Variants in AFF3 observed in about 807,000 individuals in gnomAD.
AFF3 encodes ALF transcription elongation factor 3, also known as AF4/FMR2 family member 3.
Under a neutral mutation model 129.7 loss-of-function variants are expected in AFF3, and 32 were observed. That is an observed-to-expected ratio of 0.25 (90% confidence interval 0.19 to 0.33). The LOEUF (loss-of-function observed/expected upper bound fraction) is 0.33. Among genes scored for constraint, AFF3 ranks in the 10% least tolerant of loss-of-function variants. The pLI is 1.00. For missense variants in AFF3, 1,373 were observed against 1,592.0 expected, an observed-to-expected ratio of 0.86 and a Z score of 2.34; for synonymous variants, 644 against 635.4, an observed-to-expected ratio of 1.01 and a Z score of -0.20.
At chr2:100,047,935 A>T (rs952203300) in intron 4 of AFF3, among the ~76,000 whole-genome samples, 1 of 152,226 alleles carries the variant, frequency 6.6e-6, no homozygotes, top group Admixed American at 6.5e-5. Context: ...CTAATATTTT[A>T]TCATGTCCTG....
intron 11 of AFF3, among the ~76,000 whole-genome samples, chr2:99,721,049 T>C (rs1214393219): frequency 2.0e-5 from 3 of 152,322 alleles, no homozygotes; most frequent in African/African-American, 7.2e-5. Flanking sequence ...CCCACATATT[T>C]ATTATTTCCT....
chr2:99,948,614 GCTATCCCCAAATC>G (rs1395410214), intron 7 of AFF3, among the ~76,000 whole-genome samples: 1 of 152,150 alleles, frequency 6.6e-6, no homozygotes, highest in Non-Finnish European at 1.5e-5. Flanking sequence ...CAGATTCTCT[GCTATCCCCAAATC>G]ATCCTCCTTG....
chr2:99,911,812 T>C (rs1377954091), intron 7 of AFF3, among the ~76,000 whole-genome samples: 4 of 152,080 alleles, frequency 2.6e-5, no homozygotes, highest in Non-Finnish European at 5.9e-5. Context: ...AACTCTGTGT[T>C]GTTATGCCAT....
At chr2:100,065,554 T>C (rs1262824319) in intron 4 of AFF3, among the ~76,000 whole-genome samples, 1 of 152,330 alleles carries the variant, frequency 6.6e-6, no homozygotes, top group East Asian at 1.9e-4. Flanking sequence ...AACACAAACA[T>C]TTATTTTAAG....
chr2:99,555,746 G>C (rs1486010488), intron 22 of AFF3, among the ~76,000 whole-genome samples: 1 of 152,140 alleles, frequency 6.6e-6, no homozygotes. Context: ...GTTTCTTTTG[G>C]TTAGAAAGAA....
chr2:99,925,897 G>T (rs1696205717), intron 7 of AFF3, among the ~76,000 whole-genome samples: 2 of 152,194 alleles, frequency 1.3e-5, no homozygotes, highest in South Asian at 4.1e-4. Flanking sequence ...TGTACTATCA[G>T]GGAATCAACC....
At chr2:99,851,096 T>A (rs186317441) in intron 7 of AFF3, among the ~76,000 whole-genome samples, 1 of 152,340 alleles carries the variant, frequency 6.6e-6, no homozygotes, top group Admixed American at 6.5e-5. Flanking sequence ...TTCACACGGC[T>A]ACAGGTTGCA....
intron 7 of AFF3, among the ~76,000 whole-genome samples, chr2:99,953,356 T>C (rs1450310228): frequency 1.3e-5 from 2 of 152,198 alleles, no homozygotes; most frequent in Non-Finnish European, 2.9e-5. Context: ...GGAATGAGTA[T>C]GGCATACAAG....
intron 7 of AFF3, among the ~76,000 whole-genome samples, chr2:99,911,742 T>G (rs1013080131): frequency 1.3e-5 from 2 of 152,144 alleles, no homozygotes; most frequent in African/African-American, 4.8e-5. Flanking sequence ...AAGGAAAGAC[T>G]TGTATCAAAA....
chr2:99,925,317 T>C (rs1250235039), intron 7 of AFF3, among the ~76,000 whole-genome samples: 1 of 152,180 alleles, frequency 6.6e-6, no homozygotes, highest in Middle Eastern at 3.2e-3. Context: ...GGATGATCAA[T>C]CCTTATTTTT....
At chr2:99,671,609 T>C (rs920056775) in intron 12 of AFF3, among the ~76,000 whole-genome samples, 18 of 152,202 alleles carry the variant, frequency 1.2e-4, no homozygotes, top group Admixed American at 4.6e-4. Context: ...CTGCATAGCA[T>C]TTCATGATAC....
chr2:99,554,039 G>A, intron 24 of AFF3, among the ~76,000 whole-genome samples: 1 of 152,036 alleles, frequency 6.6e-6, no homozygotes, highest in East Asian at 1.9e-4. Context: ...AAAAAAATTG[G>A]AAGGAACTTA....
chr2:99,729,939 A>C (rs1472077571), intron 10 of AFF3, among the ~76,000 whole-genome samples: 2 of 152,094 alleles, frequency 1.3e-5, no homozygotes, highest in African/African-American at 4.8e-5. Context: ...TTACATGCGG[A>C]AATACAATTA....
chr2:99,984,394 G>A (rs1265871893), intron 7 of AFF3, among the ~76,000 whole-genome samples: 2 of 152,154 alleles, frequency 1.3e-5, no homozygotes, highest in Non-Finnish European at 2.9e-5. Context: ...TTTATGCGAA[G>A]TCCTTACTTT....
intron 13 of AFF3, among the ~76,000 whole-genome samples, chr2:99,622,899 C>A (rs908956956): frequency 6.6e-6 from 1 of 152,216 alleles, no homozygotes; most frequent in African/African-American, 2.4e-5. Context: ...CGACAGGGAG[C>A]TCCCGGTGGA....
At chr2:99,824,806 T>C (rs1687951522) in intron 8 of AFF3, among the ~76,000 whole-genome samples, 1 of 152,224 alleles carries the variant, frequency 6.6e-6, no homozygotes, top group Non-Finnish European at 1.5e-5. Context: ...GTGGAGGTGC[T>C]GCACACGGCA....
In AFF3 at chr2:100,099,801, G is replaced by GA. The variant is rs534678000; in HGVS notation, c.53+4600dup. Reference sequence around the variant, plus strand: ...TATGAATGGGAAATTCTAAAAAAAAGAAAAAAGAGAAAGAAAGAGGATAGG... The same window carrying GA: ...TATGAATGGGAAATTCTAAAAAAAAGAAAAAAAGAGAAAGAAAGAGGATAGG... On this transcript the variant is annotated intron_variant, in intron 4 of 24. Transcript: ENST00000672756. 3.1e-3 allele frequency among the ~76,000 whole-genome samples: 471 copies of GA among 152,216 alleles called. 2 individuals carry two copies. The highest frequency in any genetic ancestry group is 0.011 in the African/African-American group (444 of 41,524).
intron 8 of AFF3, among the ~76,000 whole-genome samples, chr2:99,766,709 A>G (rs1683052339): frequency 1.3e-5 from 2 of 152,250 alleles, no homozygotes; most frequent in African/African-American, 4.8e-5. Context: ...ATTTGAAGAA[A>G]ATAGAGTTTT....
At chr2:99,710,771 G>T (rs569855463) in intron 11 of AFF3, among the ~76,000 whole-genome samples, 2 of 152,264 alleles carry the variant, frequency 1.3e-5, no homozygotes, top group Admixed American at 1.3e-4. Flanking sequence ...TAAAAGTGGG[G>T]GTGGAATTCT....
Sources: allele counts gnomAD v4.1 joint callset (sites outside exome capture counted in the v4.1 genomes callset), GRCh38; gene constraint gnomAD v4.1.1; transcripts MANE v1.5; gene names NCBI Gene and HGNC (gene_info 2026-07-23, HGNC 2026-07-21).